Variants in KCNH1 observed in about 807,000 individuals in gnomAD.
The protein encoded by KCNH1 is potassium voltage-gated channel subfamily H member 1.
Under a neutral mutation model 69.2 loss-of-function variants are expected in KCNH1, and 27 were observed. The observed-to-expected ratio is 0.39, with a 90% CI of 0.29 to 0.54. The LOEUF is 0.54. KCNH1 is among the 20% of genes least tolerant of loss of function. KCNH1 has a pLI of 0.68. For missense variants in KCNH1, 798 were observed against 1,261.6 expected (o/e 0.63, Z 5.57); for synonymous variants, 456 against 487.7 (o/e 0.93, Z 0.86).
At chr1:210,961,828 A>G (rs1012222541) in intron 6 of KCNH1, among the ~76,000 whole-genome samples, 2 of 144,728 alleles carry the variant, frequency 1.4e-5, no homozygotes, top group African/African-American at 5.2e-5. Context: ...AAACAAGAGC[A>G]AAACTGTCTC....
At chr1:210,858,222 T>C (rs1055372638) in intron 7 of KCNH1, 5 of 152,216 alleles carry the variant, frequency 3.3e-5, no homozygotes, top group African/African-American at 9.6e-5. Flanking sequence ...CCAGTTAACA[T>C]GCTCTAGATA....
At chr1:210,698,839 C>T (rs1190813946) in intron 10 of KCNH1, among the ~76,000 whole-genome samples, 1 of 152,240 alleles carries the variant, frequency 6.6e-6, no homozygotes, top group Non-Finnish European at 1.5e-5. Context: ...CCACCAGAGC[C>T]TGAGGGCTGC....
chr1:210,803,876 C>G (rs1684477568), intron 8 of KCNH1, 91 bp downstream of exon 8: 1 of 1,117,354 alleles, frequency 8.9e-7, no homozygotes, highest in Non-Finnish European at 1.3e-6. Flanking sequence ...TGAGCACAGC[C>G]AGGTTTGACA....
intron 1 of KCNH1, among the ~76,000 whole-genome samples, chr1:211,116,615 C>A (rs552551710): frequency 2.6e-5 from 4 of 152,084 alleles, no homozygotes; most frequent in African/African-American, 9.7e-5. Flanking sequence ...TCAGACGGAC[C>A]AAACTGTTGG....
rs531367538 is a variant in KCNH1 at position 211,075,844 on chromosome 1, A to G, written c.558+6936T>C. On this transcript the variant is annotated intron_variant, in intron 5 of 10. Transcript: ENST00000271751. ...TTTCCTAGCCAAGGGAAGCTGTGACAGACAGCACCTGGAAAAACGGGATAC... is the reference window on the plus strand; with the variant it reads ...TTTCCTAGCCAAGGGAAGCTGTGACGGACAGCACCTGGAAAAACGGGATAC... Among the ~76,000 whole-genome samples, 25 of 152,362 alleles carry G rather than the reference A, an allele frequency of 1.6e-4. 1 individual carries two copies. Among genetic ancestry groups the G allele is most frequent in the African/African-American group, 4.6e-4 (19 of 41,590 alleles).
chr1:211,026,557 C>A (rs1689688870), intron 5 of KCNH1, among the ~76,000 whole-genome samples: 1 of 152,134 alleles, frequency 6.6e-6, no homozygotes, highest in African/African-American at 2.4e-5. Flanking sequence ...GCAGGGCCTA[C>A]TAGGAAGCCT....
chr1:210,756,449 A>G (rs145128438), intron 10 of KCNH1, among the ~76,000 whole-genome samples: 200 of 152,370 alleles, frequency 1.3e-3, no homozygotes, highest in African/African-American at 4.8e-3. Context: ...GTGCCAGGAA[A>G]TACAGCAGAA....
At chr1:210,877,679 T>C (rs188798105) in intron 7 of KCNH1, among the ~76,000 whole-genome samples, 2 of 152,164 alleles carry the variant, frequency 1.3e-5, no homozygotes, top group African/African-American at 4.8e-5. Context: ...TACAACCTTC[T>C]GAAGAAAATA....
At chr1:211,065,000 C>T (rs893902786) in intron 5 of KCNH1, among the ~76,000 whole-genome samples, 20 of 152,036 alleles carry the variant, frequency 1.3e-4, no homozygotes, top group East Asian at 1.9e-4. Flanking sequence ...TTGGAGAAGA[C>T]GTGGAGAAAA....
rs552883929 is a variant in KCNH1 at position 210,970,271 on chromosome 1, C to A, written c.1032+48512G>T. On this transcript the variant is annotated intron_variant, in intron 6 of 10. Transcript: ENST00000271751. ...CTGATATTCTCCCTCCCCTTGTCCC[C>A]CACCCCCAACAGGCCCCGGTGTATG... Among the ~76,000 whole-genome samples, 10 of 150,428 alleles carry A rather than the reference C, an allele frequency of 6.6e-5. No individual in the cohort carries two copies. The East Asian group carries it at 1.9e-3, about 29-fold the overall frequency.
At chr1:210,892,127 G>T (rs946843464) in intron 7 of KCNH1, among the ~76,000 whole-genome samples, 1 of 151,844 alleles carries the variant, frequency 6.6e-6, no homozygotes, top group Non-Finnish European at 1.5e-5. Flanking sequence ...ACAGGTTGAT[G>T]GGTACATCAA....
chr1:211,008,786 G>T (rs1689334942), intron 6 of KCNH1, among the ~76,000 whole-genome samples: 1 of 152,192 alleles, frequency 6.6e-6, no homozygotes, highest in Non-Finnish European at 1.5e-5. Flanking sequence ...ATACTTTAAT[G>T]TATTTTTATC....
chr1:211,035,233 A>ATTT (rs1689872542), intron 5 of KCNH1, among the ~76,000 whole-genome samples: 1 of 104,784 alleles, frequency 9.5e-6, no homozygotes, highest in African/African-American at 3.8e-5. Context: ...GGGTACTGGC[A>ATTT]TTCTTTTTTT....
intron 10 of KCNH1, among the ~76,000 whole-genome samples, chr1:210,739,051 A>G (rs1682953784): frequency 6.6e-6 from 1 of 152,190 alleles, no homozygotes; most frequent in South Asian, 2.1e-4. Context: ...GTGCTCAATA[A>G]AAGTATTACA....
At chr1:211,012,982 G>T (rs575258702) in intron 6 of KCNH1, among the ~76,000 whole-genome samples, 1 of 152,204 alleles carries the variant, frequency 6.6e-6, no homozygotes, top group African/African-American at 2.4e-5. Context: ...AAACCAAATT[G>T]CTATTATGAG....
intron 1 of KCNH1, among the ~76,000 whole-genome samples, chr1:211,123,517 C>T (rs1195837994): frequency 2.6e-5 from 4 of 151,972 alleles, no homozygotes; most frequent in African/African-American, 9.7e-5. Flanking sequence ...AGACAGACAG[C>T]AAAGAGACAT....
At chr1:210,971,284 C>G (rs1252168305) in intron 6 of KCNH1, among the ~76,000 whole-genome samples, 1 of 152,078 alleles carries the variant, frequency 6.6e-6, no homozygotes, top group African/African-American at 2.4e-5. Context: ...TTTTCATCAT[C>G]TTATATGTCT....
At chr1:210,997,467 G>C (rs183465097) in intron 6 of KCNH1, among the ~76,000 whole-genome samples, 37 of 152,152 alleles carry the variant, frequency 2.4e-4, no homozygotes, top group Middle Eastern at 3.4e-3. Context: ...AGAGAAAAAA[G>C]AATAAAAAGA....
chr1:211,010,708 T>G (rs1337393738), intron 6 of KCNH1, among the ~76,000 whole-genome samples: 2 of 152,156 alleles, frequency 1.3e-5, no homozygotes, highest in Non-Finnish European at 2.9e-5. Flanking sequence ...AGAATGCCCC[T>G]CACATTCTCT....
Sources: gnomAD v4.1 joint callset for allele counts (sites outside exome capture counted in the v4.1 genomes callset) on GRCh38, gnomAD v4.1.1 for gene constraint, MANE v1.5 for transcripts, NCBI Gene and HGNC (gene_info 2026-07-23, HGNC 2026-07-21) for gene names.